The following HS6ST2 variants were observed in gnomAD, a reference collection of about 807,000 sequenced individuals.
HS6ST2 encodes heparan-sulfate 6-O-sulfotransferase 2.
A neutral mutation model predicts 33.0 loss-of-function variants in HS6ST2; 17 were observed. The observed-to-expected ratio is 0.52, with a 90% CI of 0.35 to 0.77. HS6ST2 has a LOEUF of 0.77. HS6ST2 is among the 30% of genes least tolerant of loss of function. HS6ST2 has a pLI of 0.01. For synonymous variants in HS6ST2, 248 were observed against 237.1 expected, an observed-to-expected ratio of 1.05 and a Z score of -0.42; for missense variants, 519 against 551.7, an observed-to-expected ratio of 0.94 and a Z score of 0.59.
chrX:132,779,233 A>G (rs2064995858), intron 2 of HS6ST2, among the ~76,000 whole-genome samples: 1 of 111,810 alleles, frequency 8.9e-6, no homozygotes, highest in African/African-American at 3.3e-5. Context: ...AACATGCTTC[A>G]TACCTCATTG....
At position 132,949,291 on chromosome X, in the gene HS6ST2, G is replaced by A. The variant is rs146573022; in HGVS notation, c.947+7517C>T. On this transcript the variant is annotated intron_variant, in intron 2 of 4. Coordinates refer to ENST00000370833, the MANE Select transcript of HS6ST2 (RefSeq NM_001394073.1). The stretch of plus-strand genomic sequence containing the variant: ...GGAGATCCAAAGTCCAGACTATCTC[G>A]GATGGCTCTGGCTGAGCAGAATAAG... Among the ~76,000 whole-genome samples the A allele has an allele frequency of 4.1e-3, 441 of 108,423 alleles. 5 individuals carry two copies. The highest frequency in any genetic ancestry group is 6.1e-3 in the Non-Finnish European group (322 of 52,411). The allele number at this position is 108,423 out of a possible 115,157, so 94.2% of individuals were successfully genotyped here.
chrX:132,808,748 T>G (rs1438070370), intron 2 of HS6ST2: 1 of 111,447 alleles, frequency 9.0e-6, no homozygotes, highest in Non-Finnish European at 1.9e-5. Context: ...TGCTCCCAAT[T>G]CCATATGTGT....
intron 2 of HS6ST2, among the ~76,000 whole-genome samples, chrX:132,871,086 A>T (rs1358894917): frequency 8.9e-6 from 1 of 112,277 alleles, no homozygotes; most frequent in African/African-American, 3.2e-5. Context: ...AGAAAAAAAC[A>T]AACAACCCCA....
rs141190091 is a variant in HS6ST2 at position 132,805,022 on chromosome X, T to C, written c.948-96528A>G. Among the ~76,000 whole-genome samples the C allele has an allele frequency of 2.2e-3, 242 of 111,412 alleles. 1 individual carries two copies. The highest frequency in any genetic ancestry group is 7.1e-3 in the African/African-American group (217 of 30,701). On this transcript the variant is annotated intron_variant, in intron 2 of 4. Coordinates refer to ENST00000370833, the MANE Select transcript of HS6ST2 (RefSeq NM_001394073.1). Reference sequence around the variant, plus strand: ...TATATATATAGCTACCAACTGCCACTGTCCACAGATGTTCAGTGTGCCTCT... The same window carrying C: ...TATATATATAGCTACCAACTGCCACCGTCCACAGATGTTCAGTGTGCCTCT...
chrX:132,919,782 C>T (rs1463368525), intron 2 of HS6ST2, among the ~76,000 whole-genome samples: 1 of 111,796 alleles, frequency 8.9e-6, no homozygotes, highest in Non-Finnish European at 1.9e-5. Flanking sequence ...GGAGGCATTT[C>T]GCTGGGCAAA....
chrX:132,820,713 G>A (rs2065444471), intron 2 of HS6ST2, among the ~76,000 whole-genome samples: 1 of 110,322 alleles, frequency 9.1e-6, no homozygotes, highest in Admixed American at 9.7e-5. Context: ...TAATTTATAG[G>A]AATATTTGGG....
chrX:132,742,045 T>G (rs912442185), intron 2 of HS6ST2, among the ~76,000 whole-genome samples: 3 of 111,714 alleles, frequency 2.7e-5, no homozygotes, highest in Non-Finnish European at 5.6e-5. Context: ...TTGTAAAAAA[T>G]CTCTCCCAGT....
intron 3 of HS6ST2, among the ~76,000 whole-genome samples, chrX:132,673,791 AGTC>A (rs755624991): frequency 8.1e-5 from 9 of 111,434 alleles, no homozygotes; most frequent in Non-Finnish European, 1.5e-4. Context: ...AGATACACCA[AGTC>A]GTCATCTTTT....
chrX:132,955,092 GA>G (rs1433427620), intron 2 of HS6ST2, among the ~76,000 whole-genome samples: 4 of 112,301 alleles, frequency 3.6e-5, no homozygotes, highest in Admixed American at 2.8e-4. Context: ...CATGGCTGTG[GA>G]ATTCTACTTT....
At chrX:132,783,845 G>T (rs1445812979) in intron 2 of HS6ST2, among the ~76,000 whole-genome samples, 1 of 111,420 alleles carries the variant, frequency 9.0e-6, no homozygotes, top group Non-Finnish European at 1.9e-5. Context: ...CCTCCTAAAA[G>T]TCTCCTCTCC....
chrX:132,779,705 G>T (rs1190322308), intron 2 of HS6ST2, among the ~76,000 whole-genome samples: 2 of 109,033 alleles, frequency 1.8e-5, no homozygotes, highest in Non-Finnish European at 3.8e-5. Context: ...TAATAATGAT[G>T]AAAAATCAGC....
intron 2 of HS6ST2, among the ~76,000 whole-genome samples, chrX:132,917,228 G>C (rs757843591): frequency 3.7e-4 from 41 of 111,480 alleles, no homozygotes; most frequent in African/African-American, 1.3e-3. Flanking sequence ...TTACAAATCT[G>C]ACATTCTATG....
intron 2 of HS6ST2, among the ~76,000 whole-genome samples, chrX:132,881,894 T>C (rs2066178687): frequency 8.9e-6 from 1 of 112,000 alleles, no homozygotes; most frequent in Non-Finnish European, 1.9e-5. Flanking sequence ...CCCTTCCCCA[T>C]TTCTGGTTTT....
intron 2 of HS6ST2, among the ~76,000 whole-genome samples, chrX:132,731,803 C>T (rs1012415222): frequency 4.6e-5 from 5 of 109,827 alleles, no homozygotes; most frequent in African/African-American, 6.7e-5. Context: ...GTGGAGATCG[C>T]GCCACTGCAC....
intron 3 of HS6ST2, among the ~76,000 whole-genome samples, chrX:132,682,069 G>T (rs1221749486): frequency 8.9e-6 from 1 of 112,379 alleles, no homozygotes; most frequent in Non-Finnish European, 1.9e-5. Context: ...TGGACCAGAT[G>T]CTACTGTAGG....
chrX:132,929,894 C>T (rs1297940944), intron 2 of HS6ST2, among the ~76,000 whole-genome samples: 1 of 111,655 alleles, frequency 9.0e-6, no homozygotes, highest in Non-Finnish European at 1.9e-5. Context: ...AGACTTATTT[C>T]AGGAAGTCCC....
Position 132,754,342 on chromosome X carries a change from T to C in HS6ST2, c.948-45848A>G, listed in dbSNP as rs192807941. On this transcript the variant is annotated intron_variant, in intron 2 of 4. Transcript: ENST00000370833. ...TGATTTATGATTGGTGATGTTCACA[T>C]TGATCACCTGGCTGAGGCAGTATTT... Among the ~76,000 whole-genome samples the C allele has an allele frequency of 1.1e-4, 12 of 111,134 alleles. No individual in the cohort carries two copies. The East Asian group carries it at 3.4e-3, about 31-fold the overall frequency.
chrX:132,655,492 A>G (rs1424626927), intron 4 of HS6ST2, among the ~76,000 whole-genome samples: 9 of 111,876 alleles, frequency 8.0e-5, no homozygotes, highest in Non-Finnish European at 1.3e-4. Flanking sequence ...CTGAGGCTCA[A>G]AGAGATTAAC....
At chrX:132,708,624 T>C (rs1172100500) in intron 2 of HS6ST2, 130 bp from the exon 3 acceptor site, 7 of 545,770 alleles carry the variant, frequency 1.3e-5, no homozygotes, top group Admixed American at 3.0e-5. Flanking sequence ...AAACAGCTCA[T>C]AGATGGCTTC....
Sources: gnomAD v4.1 joint callset for allele counts (sites outside exome capture counted in the v4.1 genomes callset) on GRCh38, gnomAD v4.1.1 for gene constraint, MANE v1.5 for transcripts, NCBI Gene and HGNC (gene_info 2026-07-23, HGNC 2026-07-21) for gene names.